SULT1B1: variants seen among roughly 807,000 people sequenced by gnomAD.
The protein encoded by SULT1B1 is sulfotransferase family 1B member 1, also known as sulfotransferase 1B1.
A neutral mutation model predicts 34.6 loss-of-function variants in SULT1B1; 28 were observed. The ratio of observed to expected loss-of-function variants is 0.81; its 90% confidence interval spans 0.60 to 1.11. The LOEUF is 1.11. Ranked by LOEUF, SULT1B1 falls within the 50% of genes least tolerant of loss-of-function variation. The pLI is 0.00. For synonymous variants in SULT1B1, 147 were observed against 110.2 expected, an observed-to-expected ratio of 1.33 and a Z score of -2.09; for missense variants, 374 against 352.2, an observed-to-expected ratio of 1.06 and a Z score of -0.50.
rs758996233 is a variant in SULT1B1 at position 69,727,219 on chromosome 4, A to T, written c.779-19T>A. On this transcript the variant is annotated intron_variant, in intron 7 of 7. Coordinates refer to ENST00000310613, the MANE Select transcript of SULT1B1 (RefSeq NM_014465.4). ...GCCGTCCCTAAAGGTAAATAAAAAA[A>T]CATAGGAAAGAATAAAATATTTCCA... is the stretch of plus-strand genomic sequence containing the variant. 6.3e-7 allele frequency: 1 copy of T among 1,583,358 alleles called. No individual in the cohort carries two copies. The highest frequency in any genetic ancestry group is 8.6e-7 in the Non-Finnish European group (1 of 1,163,206).
chr4:69,753,350 A>G (rs1008494996), intron 3 of SULT1B1, among the ~76,000 whole-genome samples: 1 of 152,186 alleles, frequency 6.6e-6, no homozygotes, highest in African/African-American at 2.4e-5. Context: ...AGCATCCTCA[A>G]TTCCACCTCT....
rs750074849 is a variant in SULT1B1, at chr4:69,734,211, A to C, written c.429T>G (p.Phe143Leu). 2 of 1,613,356 alleles carry C rather than the reference A, an allele frequency of 1.2e-6. No individual in the cohort carries two copies. The highest frequency in any genetic ancestry group is 1.7e-6 in the Non-Finnish European group (2 of 1,179,572). Residue 143 changes from phenylalanine (F) to leucine (L), a missense_variant, in exon 5 of 8, where the codon TTT becomes TTG. By Grantham distance (22) the Phe-to-Leu change is conservative. Coordinates refer to ENST00000310613, the MANE Select transcript of SULT1B1 (RefSeq NM_014465.4). The part of the protein sequence containing the change: ...AKDVSVSYYH[F>L]DLMNNLQPFP... ...AAGGCTGTAAATTATTCATTAAGTC[A>C]AAATGGTAATATGAGACTGAAACAT...
intron 3 of SULT1B1, among the ~76,000 whole-genome samples, chr4:69,752,810 A>G (rs1719028794): frequency 6.6e-6 from 1 of 152,212 alleles, no homozygotes; most frequent in Admixed American, 6.5e-5. Flanking sequence ...GTCTATCACT[A>G]TCCTACTACT....
At chr4:69,739,501 G>A (rs1053574792) in intron 4 of SULT1B1, among the ~76,000 whole-genome samples, 3 of 152,322 alleles carry the variant, frequency 2.0e-5, no homozygotes, top group Admixed American at 6.5e-5. Flanking sequence ...TGGAAGGTCT[G>A]GGACACAGGT....
At chr4:69,728,311 G>A (rs1717919064) in intron 7 of SULT1B1, among the ~76,000 whole-genome samples, 2 of 152,062 alleles carry the variant, frequency 1.3e-5, no homozygotes, top group Non-Finnish European at 2.9e-5. Context: ...CCAAAGGCCA[G>A]GTTTTTCTAT....
chr4:69,738,604 A>G (rs1718409845), intron 4 of SULT1B1, among the ~76,000 whole-genome samples: 1 of 152,180 alleles, frequency 6.6e-6, no homozygotes, highest in East Asian at 1.9e-4. Flanking sequence ...ATTACAATTG[A>G]AGATGAGATT....
Position 69,726,033 on chromosome 4 carries a change from CATATATATAT to C in SULT1B1, c.*1045_*1054del, listed in dbSNP as rs756017821. ...ACTTAAAGTATAATAATAAAATGTA[CATATATATAT>C]ATATATATATATATATATATATATA... is the stretch of plus-strand genomic sequence containing the variant. On this transcript the variant is annotated 3_prime_UTR_variant, in exon 8 of 8. Coordinates refer to ENST00000310613, the MANE Select transcript of SULT1B1 (RefSeq NM_014465.4). 1,663 of 28,908 alleles carry C rather than the reference CATATATATAT, an allele frequency of 0.058. 40 individuals are homozygous for C. Among genetic ancestry groups the C allele is most frequent in the Non-Finnish European group, 0.088 (1,053 of 11,912 alleles). The allele number at this position is 28,908 out of a possible 1,614,324, so 1.8% of individuals were successfully genotyped here.
At chr4:69,746,977 C>G (rs1718772026) in intron 4 of SULT1B1, among the ~76,000 whole-genome samples, 1 of 152,154 alleles carries the variant, frequency 6.6e-6, no homozygotes, top group South Asian at 2.1e-4. Flanking sequence ...AGGCTTAATT[C>G]AGCACTCCAG....
At chr4:69,747,951 G>A (rs936661037) in intron 4 of SULT1B1, among the ~76,000 whole-genome samples, 1 of 151,948 alleles carries the variant, frequency 6.6e-6, no homozygotes, top group Non-Finnish European at 1.5e-5. Flanking sequence ...TTTTTTTGGA[G>A]TATGCCAGCC....
chr4:69,722,947 T>C lies in SULT1B1; in HGVS notation c.*4141A>G, dbSNP rs567383053. Reference sequence around the variant, plus strand: ...GGCATATAACTTGGCACATGTGATATGATCTCAGGAAAAAGACTTTGCTGC... The same window carrying C: ...GGCATATAACTTGGCACATGTGATACGATCTCAGGAAAAAGACTTTGCTGC... On this transcript the variant is annotated 3_prime_UTR_variant, in exon 8 of 8. Transcript: ENST00000310613. 2 of 152,042 alleles carry C rather than the reference T, an allele frequency of 1.3e-5. No homozygotes were observed. Among genetic ancestry groups the C allele is most frequent in the African/African-American group, 2.4e-5 (1 of 41,500 alleles). 9.4% of individuals were successfully genotyped at this position (152,042 alleles called of 1,614,324 possible).
rs1291000417 is a variant in SULT1B1, at chr4:69,722,523, T to C, written c.*4565A>G. The C allele has an allele frequency of 6.6e-6, 1 of 152,142 alleles. No homozygotes were observed. Among genetic ancestry groups the C allele is most frequent in the Admixed American group, 6.6e-5 (1 of 15,254 alleles). The allele number at this position is 152,142 out of a possible 1,614,324, so 9.4% of individuals were successfully genotyped here. A position where few individuals can be genotyped will look rare whatever the true frequency, so the allele number is the denominator to read the frequency against. On this transcript the variant is annotated 3_prime_UTR_variant, in exon 8 of 8. Coordinates refer to ENST00000310613, the MANE Select transcript of SULT1B1 (RefSeq NM_014465.4). ...GGAACTAGTTCACAATACCTTTAGA[T>C]AGTCAAGATTAACTCCTATAAAATA...
At chr4:69,732,657 T>G (rs984610264) in intron 6 of SULT1B1, among the ~76,000 whole-genome samples, 1 of 151,534 alleles carries the variant, frequency 6.6e-6, no homozygotes, top group African/African-American at 2.4e-5. Flanking sequence ...CTGTGTGTAT[T>G]TGGCAATTTA....
chr4:69,757,212 C>T lies in SULT1B1; in HGVS notation c.-44-1951G>A, dbSNP rs185323470. ...TATAGATTCCTTCATAATCGATGTT[C>T]CATTTATTTCTTAAGATCTGTTAAT... is the stretch of plus-strand genomic sequence containing the variant. On this transcript the variant is annotated intron_variant, in intron 1 of 7. Coordinates refer to ENST00000310613, the MANE Select transcript of SULT1B1 (RefSeq NM_014465.4). 2.0e-3 allele frequency among the ~76,000 whole-genome samples: 309 copies of T among 152,078 alleles called. 2 individuals carry two copies. The highest frequency in any genetic ancestry group is 7.3e-3 in the African/African-American group (302 of 41,510).
chr4:69,742,694 C>T (rs991861745), intron 4 of SULT1B1, among the ~76,000 whole-genome samples: 1 of 152,178 alleles, frequency 6.6e-6, no homozygotes, highest in Non-Finnish European at 1.5e-5. Context: ...GGGCTTGCTC[C>T]GATCACTCAG....
chr4:69,755,365 A>G, intron 1 of SULT1B1, 104 bp from the exon 2 acceptor site: 1 of 805,886 alleles, frequency 1.2e-6, no homozygotes, highest in Middle Eastern at 3.8e-4. Context: ...CATTCTGCGC[A>G]CATGGAGATC....
chr4:69,746,899 G>A (rs1718769737), intron 4 of SULT1B1, among the ~76,000 whole-genome samples: 1 of 152,136 alleles, frequency 6.6e-6, no homozygotes, highest in African/African-American at 2.4e-5. Flanking sequence ...TTGCCCTTGA[G>A]GTTTTGACTG....
At chr4:69,730,757 G>C (rs546288541) in intron 6 of SULT1B1, 76 bp from the exon 7 acceptor site, 1 of 1,368,850 alleles carries the variant, frequency 7.3e-7, no homozygotes. Flanking sequence ...TTTATAATCC[G>C]TTTTTTTAAA....
chr4:69,741,707 C>T (rs1325946676), intron 4 of SULT1B1, among the ~76,000 whole-genome samples: 1 of 152,108 alleles, frequency 6.6e-6, no homozygotes, highest in African/African-American at 2.4e-5. Flanking sequence ...TATATAAATG[C>T]TACTGATTTT....
At chr4:69,730,929 G>T (rs1578046975) in intron 6 of SULT1B1, among the ~76,000 whole-genome samples, 1 of 152,122 alleles carries the variant, frequency 6.6e-6, no homozygotes, top group East Asian at 1.9e-4. Flanking sequence ...TGTGTCAGTG[G>T]TTAGAATGAG....
Sources: gnomAD v4.1 joint callset for allele counts (sites outside exome capture counted in the v4.1 genomes callset) on GRCh38, gnomAD v4.1.1 for gene constraint, MANE v1.5 for transcripts, NCBI Gene and HGNC (gene_info 2026-07-23, HGNC 2026-07-21) for gene names.